TANC2: variants seen among roughly 807,000 people sequenced by gnomAD.
TANC2 encodes the protein protein TANC2.
A neutral mutation model predicts 210.5 loss-of-function variants in TANC2; 26 were observed. The observed-to-expected ratio is 0.12, with a 90% CI of 0.09 to 0.17. TANC2 has a LOEUF of 0.17. Ranked by LOEUF, TANC2 falls within the 10% of genes least tolerant of loss-of-function variation. TANC2 has a pLI of 1.00. For synonymous variants in TANC2, 931 were observed against 967.1 expected (o/e 0.96, Z 0.69); for missense variants, 2,129 against 2,608.9 (o/e 0.82, Z 4.01).
At chr17:63,018,938 A>G (rs2034232000) in intron 2 of TANC2, among the ~76,000 whole-genome samples, 1 of 152,180 alleles carries the variant, frequency 6.6e-6, no homozygotes. Flanking sequence ...CTGTTTAACC[A>G]TTCACCCTTT....
intron 18 of TANC2, among the ~76,000 whole-genome samples, chr17:63,397,732 A>AC (rs2048214607): frequency 1.3e-5 from 2 of 152,246 alleles, no homozygotes; most frequent in Non-Finnish European, 2.9e-5. Flanking sequence ...CACAATCAAT[A>AC]TAAATAACCT....
intron 1 of TANC2, among the ~76,000 whole-genome samples, chr17:62,996,907 A>G (rs9902722): frequency 1.4e-5 from 2 of 146,370 alleles, no homozygotes; most frequent in Non-Finnish European, 1.5e-5. Context: ...TCTGCCTCCC[A>G]GGTTCAAGTG....
rs575931975 is a variant in TANC2, at chr17:63,397,682, A to G, written c.3238-1139A>G. Among the ~76,000 whole-genome samples the G allele has an allele frequency of 9.2e-5, 14 of 152,350 alleles. No individual in the cohort carries two copies. In the South Asian group the frequency reaches 2.1e-3, roughly 23 times the overall value. On this transcript the variant is annotated intron_variant, in intron 18 of 27. Coordinates refer to ENST00000689528, the Ensembl canonical transcript of TANC2. ...AAGAGGGGAGGAGAAGCATAGTAGC[A>G]TGTTGTGATGTAATATTCCCACCAT...
intron 5 of TANC2, among the ~76,000 whole-genome samples, chr17:63,169,553 A>C (rs192293926): frequency 1.3e-5 from 2 of 152,294 alleles, no homozygotes; most frequent in East Asian, 1.9e-4. Context: ...ATGGCCGGGC[A>C]TGGTGGCTCA....
At chr17:63,090,858 C>T (rs2037159579) in intron 3 of TANC2, among the ~76,000 whole-genome samples, 2 of 152,226 alleles carry the variant, frequency 1.3e-5, no homozygotes. Flanking sequence ...TCCACATCCT[C>T]TCCAGCACCT....
At chr17:63,389,437 G>A (rs758438804) in exon 17 of TANC2, 8 of 1,613,942 alleles carry the variant, frequency 5.0e-6, no homozygotes, top group South Asian at 1.1e-5. Flanking sequence ...GCTGGAGTTC[G>A]GGGCCAACGT....
intron 14 of TANC2, among the ~76,000 whole-genome samples, chr17:63,359,740 A>ATTGTGATGTGGGAGCCTAAGG (rs1428515304): frequency 6.6e-6 from 1 of 152,064 alleles, no homozygotes; most frequent in Non-Finnish European, 1.5e-5. Flanking sequence ...ACCTAATGAG[A>ATTGTGATGTGGGAGCCTAAGG]TTGTGATGTG....
intron 17 of TANC2, among the ~76,000 whole-genome samples, chr17:63,391,993 C>G (rs1341579366): frequency 6.6e-6 from 1 of 152,176 alleles, no homozygotes; most frequent in Non-Finnish European, 1.5e-5. Context: ...TCCCAAAGTG[C>G]TGGGATTACA....
At chr17:63,233,349 G>A (rs1471016365) in intron 7 of TANC2, among the ~76,000 whole-genome samples, 2 of 152,114 alleles carry the variant, frequency 1.3e-5, no homozygotes, top group Admixed American at 6.5e-5. Flanking sequence ...GGTGTGTGTG[G>A]GCCCACGAGG....
At chr17:63,284,018 C>T (rs181852171) in intron 9 of TANC2, among the ~76,000 whole-genome samples, 3 of 151,946 alleles carry the variant, frequency 2.0e-5, no homozygotes, top group African/African-American at 7.2e-5. Flanking sequence ...ACAAAGAGAG[C>T]GGAAATTCTT....
chr17:63,230,887 G>A (rs1184666833), intron 7 of TANC2, among the ~76,000 whole-genome samples: 2 of 152,176 alleles, frequency 1.3e-5, no homozygotes, highest in Non-Finnish European at 1.5e-5. Context: ...CACTATTATT[G>A]TGTAGGAGTC....
At chr17:63,172,198 T>C (rs368744371) in intron 5 of TANC2, among the ~76,000 whole-genome samples, 26 of 151,156 alleles carry the variant, frequency 1.7e-4, no homozygotes, top group South Asian at 1.0e-3. Context: ...CTTTTCTTTT[T>C]TTTTTTTTTT....
chr17:63,297,786 G>A (rs1160645540), intron 9 of TANC2, among the ~76,000 whole-genome samples: 1 of 151,868 alleles, frequency 6.6e-6, no homozygotes, highest in Admixed American at 6.6e-5. Context: ...CCACAAAATG[G>A]GAGATAATAT....
At chr17:63,131,608 A>G (rs2038922141) in intron 4 of TANC2, among the ~76,000 whole-genome samples, 1 of 152,164 alleles carries the variant, frequency 6.6e-6, no homozygotes, top group African/African-American at 2.4e-5. Context: ...ACTGATCCAA[A>G]TATCCAGTAT....
chr17:63,144,878 T>C (rs2145345954), intron 4 of TANC2, among the ~76,000 whole-genome samples: 1 of 152,238 alleles, frequency 6.6e-6, no homozygotes, highest in African/African-American at 2.4e-5. Context: ...TGTATCTTTT[T>C]TATTTTTGTT....
chr17:63,408,354 A>G (rs1024059708), intron 21 of TANC2, among the ~76,000 whole-genome samples: 1 of 152,192 alleles, frequency 6.6e-6, no homozygotes, highest in African/African-American at 2.4e-5. Context: ...AGAGAAGAGG[A>G]AGATTACAAA....
intron 12 of TANC2, among the ~76,000 whole-genome samples, chr17:63,348,822 T>C (rs2046500339): frequency 6.6e-6 from 1 of 152,188 alleles, no homozygotes; most frequent in South Asian, 2.1e-4. Flanking sequence ...GAAGCATTCT[T>C]GTAGGCTGGT....
intron 2 of TANC2, among the ~76,000 whole-genome samples, chr17:63,069,600 C>G (rs2036323612): frequency 6.6e-6 from 1 of 152,112 alleles, no homozygotes; most frequent in Non-Finnish European, 1.5e-5. Context: ...CTTATTATGC[C>G]CACATACTGA....
intron 5 of TANC2, among the ~76,000 whole-genome samples, chr17:63,159,604 A>G (rs1227078601): frequency 1.3e-5 from 2 of 152,370 alleles, no homozygotes; most frequent in South Asian, 2.1e-4. Flanking sequence ...TAATAATACA[A>G]GAGTAAAAAC....
Sources: gnomAD v4.1 joint callset for allele counts (sites outside exome capture counted in the v4.1 genomes callset) on GRCh38, gnomAD v4.1.1 for gene constraint, MANE v1.5 for transcripts, NCBI Gene and HGNC (gene_info 2026-07-23, HGNC 2026-07-21) for gene names.